PTPRD: variants seen among roughly 807,000 people sequenced by gnomAD.
PTPRD encodes protein tyrosine phosphatase receptor type D, also known as receptor-type tyrosine-protein phosphatase delta.
In PTPRD, 34 loss-of-function variants were observed where a neutral mutation model predicts 214.5. The observed-to-expected ratio is 0.16, with a 90% CI of 0.12 to 0.21. The LOEUF is 0.21. Among genes scored for constraint, PTPRD ranks in the 10% least tolerant of loss-of-function variants. PTPRD has a pLI of 1.00. For synonymous variants in PTPRD, 1,128 were observed against 845.7 expected, an observed-to-expected ratio of 1.33 and a Z score of -5.79; for missense variants, 2,545 against 2,398.7, an observed-to-expected ratio of 1.06 and a Z score of -1.27.
chr9:9,934,492 C>A (rs2088299010), intron 5 of PTPRD, among the ~76,000 whole-genome samples: 1 of 148,086 alleles, frequency 6.8e-6, no homozygotes, highest in East Asian at 2.0e-4. Flanking sequence ...TGGATAAATT[C>A]CTCGACACAT....
chr9:9,970,429 C>CAA (rs35445219), intron 4 of PTPRD, among the ~76,000 whole-genome samples: 19,037 of 91,766 alleles, frequency 0.21, 1,802 homozygotes, highest in Middle Eastern at 0.26. Flanking sequence ...GACTCCTTCT[C>CAA]AAAAAAAAAA....
chr9:9,302,285 G>A (rs1955595309), intron 9 of PTPRD, among the ~76,000 whole-genome samples: 1 of 151,850 alleles, frequency 6.6e-6, no homozygotes, highest in Non-Finnish European at 1.5e-5. Context: ...CTTTTGGCAA[G>A]TTAGGAAAGT....
At chr9:9,931,910 TCCCTGACCCCTGAC>T (rs1314479963) in intron 5 of PTPRD, among the ~76,000 whole-genome samples, 9 of 151,100 alleles carry the variant, frequency 6.0e-5, no homozygotes, top group Admixed American at 5.3e-4. Flanking sequence ...CTCAAGTGGG[TCCCTGACCCCTGAC>T]CCCCGAGCAG....
At chr9:9,244,648 A>C (rs2099972126) in intron 9 of PTPRD, among the ~76,000 whole-genome samples, 1 of 152,146 alleles carries the variant, frequency 6.6e-6, no homozygotes, top group Non-Finnish European at 1.5e-5. Flanking sequence ...AAGATGGATT[A>C]AGACTTAAAT....
intron 2 of PTPRD, among the ~76,000 whole-genome samples, chr9:10,524,161 A>G (rs1182358760): frequency 6.6e-6 from 1 of 152,030 alleles, no homozygotes; most frequent in Non-Finnish European, 1.5e-5. Flanking sequence ...TCATCTCCAG[A>G]TGCAGTTACA....
At chr9:9,343,261 G>C (rs1230481749) in intron 9 of PTPRD, among the ~76,000 whole-genome samples, 2 of 152,186 alleles carry the variant, frequency 1.3e-5, no homozygotes, top group South Asian at 4.2e-4. Flanking sequence ...TGGGATTGCT[G>C]GGTCAAATGG....
intron 5 of PTPRD, among the ~76,000 whole-genome samples, chr9:9,830,625 G>A (rs2153602177): frequency 6.6e-6 from 1 of 151,980 alleles, no homozygotes; most frequent in African/African-American, 2.4e-5. Flanking sequence ...ACTGCAGCTA[G>A]CACCTGAGTG....
At chr9:8,497,391 AT>A in intron 25 of PTPRD, 123 bp from the exon 26 acceptor site, 2 of 714,908 alleles carry the variant, frequency 2.8e-6, no homozygotes, top group Non-Finnish European at 4.2e-6. Flanking sequence ...AGTGTGTACA[AT>A]AAAATTCCAA....
At chr9:8,970,341 T>G (rs1345205301) in intron 11 of PTPRD, among the ~76,000 whole-genome samples, 1 of 151,838 alleles carries the variant, frequency 6.6e-6, no homozygotes, top group Non-Finnish European at 1.5e-5. Flanking sequence ...TCAAAAATAG[T>G]GAGTTCTAAA....
intron 9 of PTPRD, among the ~76,000 whole-genome samples, chr9:9,335,004 C>T (rs1241783154): frequency 6.6e-6 from 1 of 151,922 alleles, no homozygotes; most frequent in East Asian, 1.9e-4. Flanking sequence ...ATAAAATGCA[C>T]CTGTTTCAAA....
At chr9:8,512,232 A>C (rs2137937416) in intron 21 of PTPRD, among the ~76,000 whole-genome samples, 1 of 152,234 alleles carries the variant, frequency 6.6e-6, no homozygotes. Context: ...AAACAAAGCA[A>C]AATTCAAAAC....
chr9:9,924,231 G>A (rs2083493575), intron 5 of PTPRD, among the ~76,000 whole-genome samples: 2 of 151,846 alleles, frequency 1.3e-5, no homozygotes, highest in African/African-American at 4.8e-5. Context: ...GAAGTTATTA[G>A]GTAATGTTTA....
intron 27 of PTPRD, among the ~76,000 whole-genome samples, chr9:8,490,463 T>C (rs531107837): frequency 3.6e-4 from 55 of 152,312 alleles, no homozygotes; most frequent in African/African-American, 6.5e-4. Flanking sequence ...TTGACTAGAC[T>C]TGGGCTAATA....
chr9:8,862,927 TG>T (rs890725048), intron 11 of PTPRD, among the ~76,000 whole-genome samples: 1 of 125,216 alleles, frequency 8.0e-6, no homozygotes, highest in African/African-American at 3.0e-5. Flanking sequence ...TGTGGGGTGG[TG>T]GGGGGGAGGG....
At chr9:9,096,902 G>T (rs144711736) in intron 10 of PTPRD, among the ~76,000 whole-genome samples, 43 of 152,276 alleles carry the variant, frequency 2.8e-4, no homozygotes, top group Non-Finnish European at 5.3e-4. Context: ...GATGAGTGAG[G>T]TCACCAAGGA....
chr9:8,932,937 G>C (rs2098963250), intron 11 of PTPRD, among the ~76,000 whole-genome samples: 1 of 152,120 alleles, frequency 6.6e-6, no homozygotes, highest in Admixed American at 6.6e-5. Flanking sequence ...CCTGCAGCTA[G>C]CTTGGTGTCT....
intron 11 of PTPRD, among the ~76,000 whole-genome samples, chr9:8,947,403 C>T (rs535701905): frequency 1.1e-4 from 16 of 145,632 alleles, no homozygotes; most frequent in African/African-American, 3.8e-4. Flanking sequence ...GCAGAGCTTG[C>T]TGTGAGCTGA....
chr9:9,991,621 G>A (rs909107999), intron 4 of PTPRD, among the ~76,000 whole-genome samples: 12 of 151,738 alleles, frequency 7.9e-5, no homozygotes, highest in South Asian at 2.1e-4. Context: ...TTGGCCTCCC[G>A]AAGTGTTGGG....
chr9:9,498,641 T>C (rs2096285785), intron 8 of PTPRD, among the ~76,000 whole-genome samples: 1 of 152,086 alleles, frequency 6.6e-6, no homozygotes, highest in Non-Finnish European at 1.5e-5. Flanking sequence ...GGTAGTAGAA[T>C]TCCATATAAA....
Sources: gnomAD v4.1 joint callset for allele counts (sites outside exome capture counted in the v4.1 genomes callset) on GRCh38, gnomAD v4.1.1 for gene constraint, MANE v1.5 for transcripts, NCBI Gene and HGNC (gene_info 2026-07-23, HGNC 2026-07-21) for gene names.